PTN: variants seen among roughly 807,000 people sequenced by gnomAD.
PTN encodes the protein heparin affin regulatory protein.
A neutral mutation model predicts 24.1 loss-of-function variants in PTN; 18 were observed. That is an observed-to-expected ratio of 0.75 (90% CI 0.52 to 1.11). PTN has a LOEUF of 1.11. Ranked by LOEUF, PTN falls within the 50% of genes least tolerant of loss-of-function variation. The probability of loss-of-function intolerance (pLI) is 0.00; values close to 1 mark genes in which losing one functional copy is unlikely to be tolerated. For synonymous variants in PTN, 78 were observed against 68.6 expected, an observed-to-expected ratio of 1.14 and a Z score of -0.67; for missense variants, 163 against 198.8, an observed-to-expected ratio of 0.82 and a Z score of 1.08.
intron 1 of PTN, among the ~76,000 whole-genome samples, chr7:137,308,908 C>T (rs1328769771): frequency 6.6e-6 from 1 of 152,184 alleles, no homozygotes; most frequent in Admixed American, 6.5e-5. Context: ...ATTAAGTTAC[C>T]TCTAAACCTA....
At chr7:137,250,196 T>A (rs1176708990) in intron 4 of PTN, among the ~76,000 whole-genome samples, 1 of 152,162 alleles carries the variant, frequency 6.6e-6, no homozygotes, top group Non-Finnish European at 1.5e-5. Context: ...ATAGCTCCTA[T>A]AACAAAGTAC....
intron 1 of PTN, among the ~76,000 whole-genome samples, chr7:137,275,202 G>A (rs1173421636): frequency 5.9e-5 from 9 of 152,094 alleles, no homozygotes; most frequent in African/African-American, 9.7e-5. Flanking sequence ...CTTTTAAGAC[G>A]GTTTAGACTT....
chr7:137,282,080 T>A (rs1422182402), intron 1 of PTN, among the ~76,000 whole-genome samples: 1 of 152,216 alleles, frequency 6.6e-6, no homozygotes, highest in Non-Finnish European at 1.5e-5. Flanking sequence ...CTCAAATCTA[T>A]TTATAATGAC....
rs869311084 is a variant in PTN, at chr7:137,269,624, A to ATTTT, written c.-1-14654_-1-14651dup. Among the ~76,000 whole-genome samples the ATTTT allele has an allele frequency of 9.1e-3, 576 of 63,000 alleles. 123 individuals are homozygous for ATTTT. Among genetic ancestry groups the ATTTT allele is most frequent in the African/African-American group, 0.04 (537 of 13,414 alleles). The allele number at this position is 63,000 out of a possible 152,430, so 41.3% of individuals were successfully genotyped here. Reference sequence around the variant, plus strand: ...TGCTATCTGTCAAGCTGCTTCATCTATTTTTTTTTTTTTTTTTTTTTTTTT... The same window carrying ATTTT: ...TGCTATCTGTCAAGCTGCTTCATCTATTTTTTTTTTTTTTTTTTTTTTTTTTTTT... On this transcript the variant is annotated intron_variant, in intron 1 of 4. Transcript: ENST00000348225.
intron 1 of PTN, among the ~76,000 whole-genome samples, chr7:137,339,035 A>T (rs1425180323): frequency 6.6e-6 from 1 of 152,144 alleles, no homozygotes; most frequent in Non-Finnish European, 1.5e-5. Context: ...AAGAAAAAAA[A>T]AAGCAAAACA....
At chr7:137,338,464 C>A (rs186926772) in intron 1 of PTN, among the ~76,000 whole-genome samples, 168 of 152,264 alleles carry the variant, frequency 1.1e-3, no homozygotes, top group Non-Finnish European at 4.0e-4. Context: ...AACAAACAGA[C>A]ATAATGCTTT....
chr7:137,315,177 A>G (rs889317041), intron 1 of PTN, among the ~76,000 whole-genome samples: 6 of 152,188 alleles, frequency 3.9e-5, no homozygotes, highest in African/African-American at 1.4e-4. Context: ...ATGCCATGCA[A>G]TGGTATCACC....
intron 1 of PTN, among the ~76,000 whole-genome samples, chr7:137,317,885 C>A (rs1810099520): frequency 6.6e-6 from 1 of 152,060 alleles, no homozygotes; most frequent in Admixed American, 6.5e-5. Context: ...TGAGTAAGTA[C>A]CCTGGGAGTT....
intron 1 of PTN, among the ~76,000 whole-genome samples, chr7:137,331,356 G>A (rs911761563): frequency 1.3e-5 from 2 of 152,138 alleles, no homozygotes; most frequent in Admixed American, 1.3e-4. Context: ...AAGGCAAACT[G>A]TAATTCCCTA....
chr7:137,318,140 TGC>T (rs1375453370), intron 1 of PTN, among the ~76,000 whole-genome samples: 1 of 152,160 alleles, frequency 6.6e-6, no homozygotes, highest in Non-Finnish European at 1.5e-5. Flanking sequence ...TGGCGGCACA[TGC>T]CTGTAATCCC....
chr7:137,343,176 C>A (rs557803713), intron 1 of PTN, among the ~76,000 whole-genome samples: 6 of 152,298 alleles, frequency 3.9e-5, no homozygotes. Context: ...GAACACGGTC[C>A]AAATACATGC....
intron 1 of PTN, among the ~76,000 whole-genome samples, chr7:137,331,028 T>A (rs1157302155): frequency 1.3e-5 from 2 of 152,208 alleles, no homozygotes; most frequent in Non-Finnish European, 2.9e-5. Context: ...GGGGCTTCTA[T>A]CTATGGGATT....
At chr7:137,243,410 C>G (rs1318589537) in intron 4 of PTN, among the ~76,000 whole-genome samples, 1 of 152,160 alleles carries the variant, frequency 6.6e-6, no homozygotes, top group African/African-American at 2.4e-5. Context: ...CAAGATTACC[C>G]TTGGCAATTT....
chr7:137,266,187 CA>C (rs1462347856), intron 1 of PTN, among the ~76,000 whole-genome samples: 1 of 152,162 alleles, frequency 6.6e-6, no homozygotes, highest in Non-Finnish European at 1.5e-5. Context: ...GTCCATTTCA[CA>C]GAAAAACTGG....
At chr7:137,254,794 C>T in intron 2 of PTN, 65 bp downstream of exon 2, 1 of 1,076,992 alleles carries the variant, frequency 9.3e-7, no homozygotes, top group East Asian at 2.6e-5. Context: ...GAAGGAAAAG[C>T]AGGTAATTAG....
At position 137,294,797 on chromosome 7, in the gene PTN, T is replaced by G. The variant is rs758318960; in HGVS notation, c.-1-39823A>C. Among the ~76,000 whole-genome samples the G allele has an allele frequency of 2.0e-5, 3 of 152,158 alleles. No homozygotes were observed. The East Asian group carries it at 5.8e-4, about 29-fold the overall frequency. On this transcript the variant is annotated intron_variant, in intron 1 of 4. Transcript: ENST00000348225. ...TTTCCATTAGCCAAATTATTTGAAATAGTAATAAAGATGGCTGTCTTAAGT... is the reference window on the plus strand; with the variant it reads ...TTTCCATTAGCCAAATTATTTGAAAGAGTAATAAAGATGGCTGTCTTAAGT...
chr7:137,320,948 G>T (rs903385160), intron 1 of PTN, among the ~76,000 whole-genome samples: 1 of 152,112 alleles, frequency 6.6e-6, no homozygotes, highest in African/African-American at 2.4e-5. Flanking sequence ...ATAACTTCTG[G>T]CTTTATTTTT....
At position 137,343,670 on chromosome 7, in the gene PTN, A is replaced by C. The variant is rs775123562; in HGVS notation, c.-233T>G. Reference sequence around the variant, plus strand: ...GGATTTTTGGACTGGAAGGCGGGGAACCTGATCCTGCCTTTGACTCAATTA... The same window carrying C: ...GGATTTTTGGACTGGAAGGCGGGGACCCTGATCCTGCCTTTGACTCAATTA... On this transcript the variant is annotated 5_prime_UTR_variant, in exon 1 of 5. Transcript: ENST00000348225. 1 of 514,224 alleles carries C rather than the reference A, an allele frequency of 1.9e-6. No homozygotes were observed. Among genetic ancestry groups the C allele is most frequent in the Non-Finnish European group, 3.9e-6 (1 of 257,472 alleles). 31.9% of individuals were successfully genotyped at this position (514,224 alleles called of 1,614,324 possible).
chr7:137,255,177 T>C (rs1325623309), intron 1 of PTN, among the ~76,000 whole-genome samples: 2 of 152,214 alleles, frequency 1.3e-5, no homozygotes, highest in Admixed American at 6.5e-5. Flanking sequence ...ATCAATCACG[T>C]ATTCACTGAC....
Sources: gnomAD v4.1 joint callset for allele counts (sites outside exome capture counted in the v4.1 genomes callset) on GRCh38, gnomAD v4.1.1 for gene constraint, MANE v1.5 for transcripts, NCBI Gene and HGNC (gene_info 2026-07-23, HGNC 2026-07-21) for gene names.